SNTG1: variants seen among roughly 807,000 people sequenced by gnomAD.
SNTG1 encodes the protein syntrophin gamma 1, also known as gamma-1-syntrophin.
Under a neutral mutation model 74.7 loss-of-function variants are expected in SNTG1, and 39 were observed. The observed-to-expected ratio is 0.52, with a 90% confidence interval of 0.40 to 0.68. The LOEUF is 0.68. Among genes scored for constraint, SNTG1 ranks in the 30% least tolerant of loss-of-function variants. SNTG1 has a pLI of 0.00. For missense variants in SNTG1, 685 were observed against 609.5 expected (o/e 1.12, Z -1.30); for synonymous variants, 254 against 217.1 (o/e 1.17, Z -1.49).
chr8:49,991,006 C>T (rs1371651718), intron 1 of SNTG1, among the ~76,000 whole-genome samples: 2 of 151,974 alleles, frequency 1.3e-5, no homozygotes, highest in Non-Finnish European at 2.9e-5. Context: ...CAAAGGGCAG[C>T]CTAGAAAACT....
At chr8:50,729,199 C>T (rs1054625646) in intron 17 of SNTG1, among the ~76,000 whole-genome samples, 8 of 152,168 alleles carry the variant, frequency 5.3e-5, no homozygotes, top group Admixed American at 2.6e-4. Context: ...TGGCTTGGCT[C>T]ATCCCTGATT....
intron 11 of SNTG1, among the ~76,000 whole-genome samples, chr8:50,543,423 G>A (rs901264327): frequency 3.3e-5 from 5 of 151,466 alleles, no homozygotes; most frequent in African/African-American, 1.2e-4. Context: ...CTGCTCCATT[G>A]GTCTATGTGT....
rs150124183 is a variant in SNTG1, at chr8:49,940,650, T to C, written c.-103+28419T>C. ...CCAAATGACGTTTTGTAAATACTTA[T>C]TGAGGACCTAACATGTGCCCAATAT... On this transcript the variant is annotated intron_variant, in intron 1 of 18. Transcript: ENST00000642720. Among the ~76,000 whole-genome samples, 497 of 152,276 alleles carry C rather than the reference T, an allele frequency of 3.3e-3. 2 individuals are homozygous for C. Among genetic ancestry groups the C allele is most frequent in the South Asian group, 0.02 (94 of 4,820 alleles).
chr8:49,985,885 C>G (rs1305574517), intron 1 of SNTG1, among the ~76,000 whole-genome samples: 1 of 151,970 alleles, frequency 6.6e-6, no homozygotes, highest in South Asian at 2.1e-4. Flanking sequence ...TCTGATATGA[C>G]CTTTATATTT....
chr8:50,035,883 A>T (rs1317499374), intron 1 of SNTG1, among the ~76,000 whole-genome samples: 1 of 152,154 alleles, frequency 6.6e-6, no homozygotes, highest in Non-Finnish European at 1.5e-5. Flanking sequence ...CAGATGTCCA[A>T]GCACAGACTG....
At chr8:49,912,876 T>G (rs1805702619) in intron 1 of SNTG1, among the ~76,000 whole-genome samples, 1 of 152,332 alleles carries the variant, frequency 6.6e-6, no homozygotes, top group East Asian at 1.9e-4. Flanking sequence ...AGTGTGCCTC[T>G]TTAGGAGAGC....
intron 2 of SNTG1, among the ~76,000 whole-genome samples, chr8:50,376,748 T>G (rs374425389): frequency 0.017 from 1,871 of 108,538 alleles, 29 homozygotes; most frequent in South Asian, 0.035. Flanking sequence ...TATATATATA[T>G]ATATATATAG....
intron 2 of SNTG1, among the ~76,000 whole-genome samples, chr8:50,254,177 C>T (rs999298262): frequency 6.6e-6 from 1 of 152,020 alleles, no homozygotes; most frequent in African/African-American, 2.4e-5. Flanking sequence ...TGTATAATTA[C>T]AAGATTTCAA....
At chr8:50,089,633 G>A (rs1453898930) in intron 1 of SNTG1, among the ~76,000 whole-genome samples, 5 of 152,188 alleles carry the variant, frequency 3.3e-5, no homozygotes, top group Non-Finnish European at 7.3e-5. Flanking sequence ...AGACATTTAT[G>A]CAGCCAAAAA....
intron 4 of SNTG1, among the ~76,000 whole-genome samples, chr8:50,413,555 A>G (rs764960397): frequency 2.0e-5 from 3 of 152,214 alleles, no homozygotes; most frequent in Admixed American, 6.5e-5. Context: ...TGACATATCT[A>G]TCTGAAGATG....
At chr8:49,980,616 A>T (rs558042126) in intron 1 of SNTG1, among the ~76,000 whole-genome samples, 1 of 148,496 alleles carries the variant, frequency 6.7e-6, no homozygotes, top group East Asian at 2.0e-4. Flanking sequence ...AGCCGACTCC[A>T]CTCGCAAGAA....
intron 13 of SNTG1, among the ~76,000 whole-genome samples, chr8:50,597,239 G>T (rs1211899514): frequency 6.6e-6 from 1 of 151,110 alleles, no homozygotes; most frequent in Non-Finnish European, 1.5e-5. Flanking sequence ...TGCTGTGAAT[G>T]ACAAGATTTC....
chr8:50,082,923 G>A (rs977735831), intron 1 of SNTG1, among the ~76,000 whole-genome samples: 1 of 152,118 alleles, frequency 6.6e-6, no homozygotes, highest in East Asian at 1.9e-4. Context: ...CCCCAACTAC[G>A]ACCTCAATCT....
At chr8:50,472,703 A>G (rs2093662875) in intron 8 of SNTG1, among the ~76,000 whole-genome samples, 1 of 152,174 alleles carries the variant, frequency 6.6e-6, no homozygotes, top group Admixed American at 6.6e-5. Flanking sequence ...TCTGTGCATC[A>G]AAGGACACAG....
intron 18 of SNTG1, among the ~76,000 whole-genome samples, chr8:50,776,348 A>T (rs2095640714): frequency 6.7e-6 from 1 of 148,976 alleles, no homozygotes; most frequent in African/African-American, 2.4e-5. Context: ...AGGTGTAGAA[A>T]CCTTAACATA....
At chr8:50,346,804 A>T (rs540858547) in intron 2 of SNTG1, among the ~76,000 whole-genome samples, 1 of 152,382 alleles carries the variant, frequency 6.6e-6, no homozygotes, top group African/African-American at 2.4e-5. Flanking sequence ...CATTCCCTTA[A>T]GCCAAAACCT....
chr8:50,392,198 A>T (rs2092671631), intron 2 of SNTG1, among the ~76,000 whole-genome samples: 1 of 152,204 alleles, frequency 6.6e-6, no homozygotes, highest in Admixed American at 6.5e-5. Flanking sequence ...AGAATAATGG[A>T]AGTGGAGAAC....
chr8:50,460,834 T>C (rs1309035589), intron 8 of SNTG1, among the ~76,000 whole-genome samples: 3 of 152,146 alleles, frequency 2.0e-5, no homozygotes, highest in Non-Finnish European at 4.4e-5. Flanking sequence ...ATTCTGGTTT[T>C]AGATTGACAG....
intron 18 of SNTG1, among the ~76,000 whole-genome samples, chr8:50,784,224 T>G (rs1218230669): frequency 2.0e-5 from 3 of 152,184 alleles, no homozygotes; most frequent in Non-Finnish European, 4.4e-5. Context: ...AATATGCAAA[T>G]AATTCAGTCC....
Sources: allele counts gnomAD v4.1 joint callset (sites outside exome capture counted in the v4.1 genomes callset), GRCh38; gene constraint gnomAD v4.1.1; transcripts MANE v1.5; gene names NCBI Gene and HGNC (gene_info 2026-07-23, HGNC 2026-07-21).